Variants in TMEM8B observed in about 807,000 individuals in gnomAD.
The protein encoded by TMEM8B is nasopharyngeal carcinoma expressed 6.
Under a neutral mutation model 49.3 loss-of-function variants are expected in TMEM8B, and 29 were observed. The observed-to-expected ratio is 0.59, with a 90% CI of 0.44 to 0.80. TMEM8B has a LOEUF of 0.80. Ranked by LOEUF, TMEM8B falls within the 30% of genes least tolerant of loss-of-function variation. The pLI, the probability that TMEM8B is intolerant of heterozygous loss-of-function variation, is 0.00. For synonymous variants in TMEM8B, 264 were observed against 272.8 expected (o/e 0.97, Z 0.32); for missense variants, 575 against 658.5 (o/e 0.87, Z 1.39).
chr9:35,849,271 G>A (rs138074074), intron 10 of TMEM8B, among the ~76,000 whole-genome samples: 111 of 152,288 alleles, frequency 7.3e-4, no homozygotes, highest in Admixed American at 1.4e-3. Context: ...CTTGGGAGTA[G>A]TAATCCATTC....
chr9:35,846,896 C>T lies in TMEM8B; in HGVS notation c.2076C>T (p.Cys692=), dbSNP rs779491127. The T allele has an allele frequency of 3.1e-6, 5 of 1,614,252 alleles. No homozygotes were observed. The East Asian group carries it at 8.9e-5, about 29-fold the overall frequency. Residue 692 remains cysteine (C), a synonymous_variant, in exon 10 of 13, where the codon TGC becomes TGT. Coordinates refer to ENST00000643932, the MANE Select transcript of TMEM8B (RefSeq NM_001042590.4). ...GFQLLSTLLL[C]LSNLMFLPPV... The stretch of plus-strand genomic sequence containing the variant: ...AGCTGCTGTCCACACTCCTGCTCTG[C>T]CTGAGCAACCTCATGTTTCTGCCAC...
chr9:35,831,081 C>G lies in TMEM8B; in HGVS notation c.508+1126C>G, dbSNP rs571192393. 9.9e-5 allele frequency among the ~76,000 whole-genome samples: 15 copies of G among 152,214 alleles called. No individual in the cohort carries two copies. In the East Asian group the frequency reaches 2.7e-3, roughly 27 times the overall value. On this transcript the variant is annotated intron_variant, in intron 1 of 12. Transcript: ENST00000643932. ...AATGGGTATCAGTGAGCTCTGGGGG[C>G]CTGGTTCAGTGTACAAACTTAAGGA... is the stretch of plus-strand genomic sequence containing the variant.
intron 1 of TMEM8B, among the ~76,000 whole-genome samples, chr9:35,830,837 G>A (rs1474732407): frequency 6.6e-6 from 1 of 152,230 alleles, no homozygotes; most frequent in African/African-American, 2.4e-5. Flanking sequence ...TTGGACAGAA[G>A]AGAGAGAGGT....
chr9:35,842,773 T>G lies in TMEM8B; in HGVS notation c.1635+56T>G, dbSNP rs891558539. 5.9e-6 allele frequency: 9 copies of G among 1,528,498 alleles called. No homozygotes were observed. The highest frequency in any genetic ancestry group is 7.0e-6 in the Non-Finnish European group (8 of 1,134,790). The allele number at this position is 1,528,498 out of a possible 1,614,324, so 94.7% of individuals were successfully genotyped here. A position where few individuals can be genotyped will look rare whatever the true frequency, so the allele number is the denominator to read the frequency against. ...CTGCCAGGGAGCTTGAAGGGGAAGGTGTCAGGGGTGTTGGGGTGTTTACCT... is the reference window on the plus strand; with the variant it reads ...CTGCCAGGGAGCTTGAAGGGGAAGGGGTCAGGGGTGTTGGGGTGTTTACCT... On this transcript the variant is annotated intron_variant, in intron 6 of 12. Transcript: ENST00000643932. This position sits in a 1 kb window ranked among gnomAD's most constrained non-coding sequence, Gnocchi z 5.6.
At position 35,829,856 on chromosome 9, in the gene TMEM8B, C is replaced by T; in HGVS notation, c.409C>T (p.His137Tyr). Residue 137 changes from histidine to tyrosine, a missense_variant, in exon 1 of 13, where the codon CAT becomes TAT. By Grantham distance (83) the His-to-Tyr change is moderately conservative (BLOSUM62 2). Transcript: ENST00000643932. ...KSLPLVPPIS[H>Y]TLPLSQPRLK... ...TCTCCCTCTAGTCCCCCCTATCTCT[C>T]ATACTCTGCCCCTCTCCCAGCCTAG... 1 of 416,382 alleles carries T rather than the reference C, an allele frequency of 2.4e-6. No individual in the cohort carries two copies. Among genetic ancestry groups the T allele is most frequent in the Non-Finnish European group, 4.4e-6 (1 of 226,804 alleles). The allele number at this position is 416,382 out of a possible 1,614,324, so 25.8% of individuals were successfully genotyped here. A position where few individuals can be genotyped will look rare whatever the true frequency, so the allele number is the denominator to read the frequency against.
intron 3 of TMEM8B, among the ~76,000 whole-genome samples, chr9:35,837,579 C>T (rs1830562681): frequency 6.6e-6 from 1 of 152,088 alleles, no homozygotes; most frequent in Non-Finnish European, 1.5e-5. Context: ...TGAACTGTAT[C>T]CTGAGCGTGA....
intron 1 of TMEM8B, chr9:35,833,396 C>G (rs1830107041): frequency 1.0e-6 from 1 of 984,704 alleles, no homozygotes. Flanking sequence ...GTCAGATTCC[C>G]TAGAGGTTTA....
chr9:35,862,379 T>G lies in TMEM8B; in HGVS notation c.*8539T>G, dbSNP rs1832667885. 1 of 152,244 alleles carries G rather than the reference T, an allele frequency of 6.6e-6. No individual in the cohort carries two copies. Among genetic ancestry groups the G allele is most frequent in the African/African-American group, 2.4e-5 (1 of 41,470 alleles). The allele number at this position is 152,244 out of a possible 1,614,324, so 9.4% of individuals were successfully genotyped here. A position where few individuals can be genotyped will look rare whatever the true frequency, so the allele number is the denominator to read the frequency against. On this transcript the variant is annotated 3_prime_UTR_variant, in exon 13 of 13. Transcript: ENST00000643932. The stretch of plus-strand genomic sequence containing the variant: ...ATGGGGGTGTTGCTGCAGACAGAAC[T>G]ATGTCCATCTCAAATTCTGACACTG...
rs1228222103 is a variant in TMEM8B at position 35,841,199 on chromosome 9, C to T, written c.972C>T (p.Val324=). Residue 324 remains valine (V), a synonymous_variant, in exon 4 of 13, where the codon GTC becomes GTT. Transcript: ENST00000643932. This position sits in a 1 kb window ranked among gnomAD's most constrained non-coding sequence, Gnocchi z 5.9. The part of the protein sequence containing the change: ...PQLIVRRLLD[V]AVLVPGRPSE... ...TGATTGTCCGGCGTTTGCTGGACGT[C>T]GCTGTGCTGGTTCCTGGCCGGCCCT... 1.2e-5 allele frequency: 5 copies of T among 416,032 alleles called. No individual in the cohort carries two copies. Among genetic ancestry groups the T allele is most frequent in the Admixed American group, 8.8e-5 (2 of 22,724 alleles). 25.8% of individuals were successfully genotyped at this position (416,032 alleles called of 1,614,324 possible). A position where few individuals can be genotyped will look rare whatever the true frequency, so the allele number is the denominator to read the frequency against.
chr9:35,833,533 C>T (rs1369948963), intron 1 of TMEM8B, among the ~76,000 whole-genome samples: 2 of 152,202 alleles, frequency 1.3e-5, no homozygotes, highest in African/African-American at 4.8e-5. Context: ...CACCTTGGCT[C>T]TGCTCCTGAC....
rs1317826382 is a variant in TMEM8B, at chr9:35,853,248, C to G, written c.2430C>G (p.Ala810=). The change falls in exon 12 of 13, where the codon GCC becomes GCG. Residue 810 remains alanine, a synonymous_variant. Transcript: ENST00000643932. The surrounding 1 kb of genome is among the most constrained non-coding windows in gnomAD (Gnocchi z 4.2). ...GTCTCTTCGCCCTGGGGATCTTGGCCACAGCCTGGGTAAGGGTGGGGAGGG... is the reference window on the plus strand; with the variant it reads ...GTCTCTTCGCCCTGGGGATCTTGGCGACAGCCTGGGTAAGGGTGGGGAGGG... ...GPSLFALGIL[A]TAWTVRSVRR... 6.2e-7 allele frequency: 1 copy of G among 1,613,538 alleles called. No individual in the cohort carries two copies. The highest frequency in any genetic ancestry group is 1.1e-5 in the South Asian group (1 of 91,074).
intron 1 of TMEM8B, chr9:35,833,441 T>C (rs1418302618): frequency 2.3e-6 from 2 of 860,228 alleles, no homozygotes; most frequent in Non-Finnish European, 2.8e-6. Flanking sequence ...TGGGACCCTC[T>C]TCCCCTGTCT....
Position 35,856,481 on chromosome 9 carries a change from T to G in TMEM8B, c.*2641T>G, listed in dbSNP as rs1250257645. ...ATTAGATAGATAAGTGGAGGTTGGG[T>G]CTTTATTCTATGGGAAATGAGGAGC... On this transcript the variant is annotated 3_prime_UTR_variant, in exon 13 of 13. Coordinates refer to ENST00000643932, the MANE Select transcript of TMEM8B (RefSeq NM_001042590.4). 1.3e-5 allele frequency: 2 copies of G among 151,894 alleles called. No individual in the cohort carries two copies. Among genetic ancestry groups the G allele is most frequent in the Non-Finnish European group, 2.9e-5 (2 of 68,026 alleles). 9.4% of individuals were successfully genotyped at this position (151,894 alleles called of 1,614,324 possible). A position where few individuals can be genotyped will look rare whatever the true frequency, so the allele number is the denominator to read the frequency against.
Position 35,846,979 on chromosome 9 carries a change from C to T in TMEM8B, c.2159C>T (p.Thr720Ile). 1 of 1,614,232 alleles carries T rather than the reference C, an allele frequency of 6.2e-7. No homozygotes were observed. The highest frequency in any genetic ancestry group is 8.5e-7 in the Non-Finnish European group (1 of 1,180,050). Residue 720 changes from threonine (T) to isoleucine (I), a missense_variant, in exon 10 of 13, where the codon ACC becomes ATC. Physicochemically the swap from Thr to Ile is moderately conservative, Grantham distance 89 (BLOSUM62 -1). Transcript: ENST00000643932. ...CTGGAAGCTGCAGTCTACACCTTCA[C>T]CATGTTCTTCTCCACGGTATGCGGT... is the stretch of plus-strand genomic sequence containing the variant. Reference protein sequence around the residue: ...YVLEAAVYTFTMFFSTFYHAC... With the variant: ...YVLEAAVYTFIMFFSTFYHAC...
intron 3 of TMEM8B, among the ~76,000 whole-genome samples, chr9:35,838,472 A>G (rs1324315903): frequency 6.6e-6 from 1 of 151,838 alleles, no homozygotes; most frequent in Non-Finnish European, 1.5e-5. Flanking sequence ...TCCTCGAACA[A>G]TTCCTTTTTC....
rs1443290080 is a variant in TMEM8B at position 35,846,857 on chromosome 9, C to T, written c.2037C>T (p.Leu679=). Residue 679 remains leucine (L), a synonymous_variant, in exon 10 of 13, where the codon CTC becomes CTT. Transcript: ENST00000643932. ...GWGCTDSADA[L]TYGFQLLSTL... ...GCTGCACCGACAGTGCAGATGCGCT[C>T]ACCTATGGATTCCAGCTGCTGTCCA... The T allele has an allele frequency of 4.3e-6, 7 of 1,614,078 alleles. No individual in the cohort carries two copies. In the African/African-American group the frequency reaches 6.7e-5, roughly 15 times the overall value.
Position 35,860,403 on chromosome 9 carries a change from T to C in TMEM8B, c.*6563T>C, listed in dbSNP as rs1335004620. On this transcript the variant is annotated 3_prime_UTR_variant, in exon 13 of 13. Transcript: ENST00000643932. ...GATTTATTCATCCACTAAGTATTTA[T>C]TAAGTACCTATTCTGTGCTAGGTAT... The C allele has an allele frequency of 1.3e-5, 2 of 152,236 alleles. No individual in the cohort carries two copies. The highest frequency in any genetic ancestry group is 1.5e-5 in the Non-Finnish European group (1 of 68,034). The allele number at this position is 152,236 out of a possible 1,614,324, so 9.4% of individuals were successfully genotyped here. A position where few individuals can be genotyped will look rare whatever the true frequency, so the allele number is the denominator to read the frequency against.
Position 35,857,404 on chromosome 9 carries a change from G to A in TMEM8B, c.*3564G>A, listed in dbSNP as rs932214896. The A allele has an allele frequency of 6.6e-6, 1 of 152,284 alleles. No individual in the cohort carries two copies. The highest frequency in any genetic ancestry group is 6.5e-5 in the Admixed American group (1 of 15,292). The allele number at this position is 152,284 out of a possible 1,614,324, so 9.4% of individuals were successfully genotyped here. A position where few individuals can be genotyped will look rare whatever the true frequency, so the allele number is the denominator to read the frequency against. On this transcript the variant is annotated 3_prime_UTR_variant, in exon 13 of 13. Transcript: ENST00000643932. ...GCAATGGGAAAGGATGCATGAGAGA[G>A]ATGGTGTCTAACCTAGCTTTGAAAA...
In TMEM8B at chr9:35,864,391, CA is replaced by C. The variant is rs1440297893; in HGVS notation, c.*10553del. ...CATAACAAGAAGAAAGCTTCGGTTACAATTTCCCCGAAATGCCTGGATCTGG... is the reference window on the plus strand; with the variant it reads ...CATAACAAGAAGAAAGCTTCGGTTACATTTCCCCGAAATGCCTGGATCTGG... On this transcript the variant is annotated 3_prime_UTR_variant, in exon 13 of 13. Transcript: ENST00000643932. 2 of 152,226 alleles carry C rather than the reference CA, an allele frequency of 1.3e-5. No homozygotes were observed. Among genetic ancestry groups the C allele is most frequent in the African/African-American group, 4.8e-5 (2 of 41,460 alleles). 9.4% of individuals were successfully genotyped at this position (152,226 alleles called of 1,614,324 possible).
Sources: gnomAD v4.1 joint callset for allele counts (sites outside exome capture counted in the v4.1 genomes callset) on GRCh38, gnomAD v4.1.1 for gene constraint, Gnocchi (gnomAD v3.1) non-coding constraint, MANE v1.5 for transcripts, NCBI Gene and HGNC (gene_info 2026-07-23, HGNC 2026-07-21) for gene names.